SUGCT: variants seen among roughly 807,000 people sequenced by gnomAD.
The protein encoded by SUGCT is succinyl-CoA:glutarate-CoA transferase, also known as succinyl-CoA:glutarate CoA-transferase.
A neutral mutation model predicts 55.0 loss-of-function variants in SUGCT; 41 were observed. The ratio of observed to expected loss-of-function variants is 0.74; its 90% CI spans 0.58 to 0.97. The LOEUF (loss-of-function observed/expected upper bound fraction) is 0.97. Among genes scored for constraint, SUGCT ranks in the 50% least tolerant of loss-of-function variants. The pLI is 0.00. For missense variants in SUGCT, 568 were observed against 547.8 expected (o/e 1.04, Z -0.37); for synonymous variants, 187 against 200.4 (o/e 0.93, Z 0.56).
the SUGCT span, among the ~76,000 whole-genome samples, chr7:40,937,565 T>C: frequency 6.6e-6 from 1 of 152,230 alleles, no homozygotes; most frequent in Non-Finnish European, 1.5e-5. Context: ...TGTTTCATTC[T>C]GGGGCTCTGA....
At chr7:40,487,470 T>C (rs1352717443) in intron 11 of SUGCT, among the ~76,000 whole-genome samples, 1 of 151,888 alleles carries the variant, frequency 6.6e-6, no homozygotes, top group East Asian at 1.9e-4. Flanking sequence ...GAGAATATTT[T>C]ACATGTAGTA....
intron 13 of SUGCT, among the ~76,000 whole-genome samples, chr7:40,798,127 C>G (rs955842385): frequency 2.0e-5 from 3 of 152,194 alleles, no homozygotes; most frequent in Admixed American, 2.0e-4. Flanking sequence ...CCTTACTCTT[C>G]TGCATATGTA....
At chr7:40,139,007 C>T (rs549860880) in intron 1 of SUGCT, among the ~76,000 whole-genome samples, 3 of 152,106 alleles carry the variant, frequency 2.0e-5, no homozygotes, top group African/African-American at 7.2e-5. Flanking sequence ...GGCGTGGTGG[C>T]TTATGCCTGT....
At chr7:40,451,924 A>C (rs1191539824) in intron 10 of SUGCT, among the ~76,000 whole-genome samples, 1 of 152,204 alleles carries the variant, frequency 6.6e-6, no homozygotes, top group Non-Finnish European at 1.5e-5. Flanking sequence ...CCAGTTCTTC[A>C]CAGTGAGCCC....
At chr7:40,566,001 A>G (rs868550928) in intron 12 of SUGCT, among the ~76,000 whole-genome samples, 3,076 of 142,596 alleles carry the variant, frequency 0.022, 67 homozygotes, top group African/African-American at 0.054. Context: ...ACGCACACAC[A>G]CACACACACA....
At chr7:40,682,963 T>C (rs1188780469) in intron 12 of SUGCT, among the ~76,000 whole-genome samples, 2 of 152,228 alleles carry the variant, frequency 1.3e-5, no homozygotes, top group African/African-American at 4.8e-5. Flanking sequence ...CCATTTTTGT[T>C]GCTGTTCTTT....
At chr7:40,978,621 G>T in the SUGCT span, among the ~76,000 whole-genome samples, 2 of 152,168 alleles carry the variant, frequency 1.3e-5, no homozygotes, top group Non-Finnish European at 2.9e-5. Flanking sequence ...TAATAGAAAA[G>T]CAAGGGATGG....
chr7:40,824,029 G>A (rs768207962), intron 13 of SUGCT, among the ~76,000 whole-genome samples: 1 of 152,060 alleles, frequency 6.6e-6, no homozygotes, highest in Non-Finnish European at 1.5e-5. Flanking sequence ...TGATGACTGG[G>A]GAGTGGCTAG....
intron 12 of SUGCT, among the ~76,000 whole-genome samples, chr7:40,553,838 T>C (rs1180091432): frequency 1.3e-5 from 2 of 152,182 alleles, no homozygotes; most frequent in African/African-American, 4.8e-5. Flanking sequence ...CTATATCAGA[T>C]AGTGGGGCAG....
At chr7:40,365,875 G>A (rs2151236351) in intron 9 of SUGCT, among the ~76,000 whole-genome samples, 1 of 152,254 alleles carries the variant, frequency 6.6e-6, no homozygotes, top group Middle Eastern at 3.4e-3. Flanking sequence ...TCCCCATCAA[G>A]CTACCAACGA....
intron 9 of SUGCT, among the ~76,000 whole-genome samples, chr7:40,364,774 C>T (rs1227611651): frequency 1.3e-5 from 2 of 151,996 alleles, no homozygotes; most frequent in African/African-American, 2.4e-5. Context: ...TAATCAATAG[C>T]TTACCAACCA....
At chr7:40,181,517 G>A (rs780382017) in intron 2 of SUGCT, among the ~76,000 whole-genome samples, 5 of 152,070 alleles carry the variant, frequency 3.3e-5, no homozygotes, top group Admixed American at 2.0e-4. Context: ...AGGCTGAGGC[G>A]GGCGGATCAT....
At chr7:41,035,812 T>C in the SUGCT span, among the ~76,000 whole-genome samples, 1 of 152,158 alleles carries the variant, frequency 6.6e-6, no homozygotes, top group Non-Finnish European at 1.5e-5. Context: ...TCCTCGTGTC[T>C]CCACACAGCC....
intron 9 of SUGCT, among the ~76,000 whole-genome samples, chr7:40,317,276 G>A (rs1319168503): frequency 6.6e-6 from 1 of 152,094 alleles, no homozygotes; most frequent in African/African-American, 2.4e-5. Flanking sequence ...ATGAAAATTT[G>A]CGTGTGATGG....
chr7:40,344,907 A>G (rs1797233287), intron 9 of SUGCT, among the ~76,000 whole-genome samples: 1 of 152,204 alleles, frequency 6.6e-6, no homozygotes, highest in South Asian at 2.1e-4. Flanking sequence ...TTTTGAAAGC[A>G]GGAACCGTAT....
chr7:40,454,735 G>A (rs1185940543), intron 10 of SUGCT, among the ~76,000 whole-genome samples: 2 of 152,142 alleles, frequency 1.3e-5, no homozygotes, highest in African/African-American at 2.4e-5. Flanking sequence ...TGGAAAGAAT[G>A]CCAACCTAGA....
chr7:40,677,129 T>C (rs1329502043), intron 12 of SUGCT, among the ~76,000 whole-genome samples: 1 of 152,174 alleles, frequency 6.6e-6, no homozygotes, highest in Non-Finnish European at 1.5e-5. Flanking sequence ...AGGCAACAGT[T>C]ATAACAAATG....
At chr7:40,631,643 C>T (rs1458541316) in intron 12 of SUGCT, among the ~76,000 whole-genome samples, 9 of 152,178 alleles carry the variant, frequency 5.9e-5, no homozygotes, top group Admixed American at 2.6e-4. Flanking sequence ...CTGCTTAGAT[C>T]GGATTCTGCC....
intron 6 of SUGCT, among the ~76,000 whole-genome samples, chr7:40,226,154 G>A (rs1310309098): frequency 6.6e-6 from 1 of 152,130 alleles, no homozygotes; most frequent in East Asian, 1.9e-4. Flanking sequence ...ATCCTGCTGA[G>A]GTTGGTTTTG....
Sources: gnomAD v4.1 joint callset for allele counts (sites outside exome capture counted in the v4.1 genomes callset) on GRCh38, gnomAD v4.1.1 for gene constraint, MANE v1.5 for transcripts, NCBI Gene and HGNC (gene_info 2026-07-23, HGNC 2026-07-21) for gene names.